TAAR1: variants seen among roughly 807,000 people sequenced by gnomAD.
TAAR1 encodes trace amine-associated receptor 1.
Under a neutral mutation model 1.2 loss-of-function variants are expected in TAAR1, and 1 was observed. The ratio of observed to expected loss-of-function variants is 0.81; its 90% CI spans 0.29 to 3.86. The LOEUF is 3.86. Among genes scored for constraint, TAAR1 ranks in the 30% most tolerant of loss-of-function variants. TAAR1 has a pLI of 0.18. For missense variants in TAAR1, 445 were observed against 405.6 expected (o/e 1.10, Z -0.83); for synonymous variants, 153 against 132.2 (o/e 1.16, Z -1.08).
Position 132,644,850 on chromosome 6 carries a change from T to C in TAAR1, c.*134A>G. On this transcript the variant is annotated 3_prime_UTR_variant, in exon 2 of 2. Transcript: ENST00000275216. ...GAAATTACCTATAAGCATCATAATT[T>C]AACTCACCATACATACTTTGACTCA... The C allele has an allele frequency of 1.5e-6, 1 of 684,182 alleles. No homozygotes were observed. The allele number at this position is 684,182 out of a possible 1,614,324, so 42.4% of individuals were successfully genotyped here.
chr6:132,658,613 G>T (rs1322952710), intron 1 of TAAR1, among the ~76,000 whole-genome samples: 6 of 151,848 alleles, frequency 4.0e-5, no homozygotes, highest in Non-Finnish European at 8.8e-5. Context: ...AAATATATTT[G>T]CACAAATAAT....
At position 132,644,113 on chromosome 6, in the gene TAAR1, T is replaced by G. The variant is rs1225515680; in HGVS notation, c.*871A>C. On this transcript the variant is annotated 3_prime_UTR_variant, in exon 2 of 2. Coordinates refer to ENST00000275216, the MANE Select transcript of TAAR1 (RefSeq NM_138327.4). ...TTAATTTATATTATTTTTAGAAAAG[T>G]TAGAAACAACTGGAATTAACAATAG... Among the ~76,000 whole-genome samples the G allele has an allele frequency of 6.6e-6, 1 of 151,904 alleles. No homozygotes were observed. The highest frequency in any genetic ancestry group is 6.6e-5 in the Admixed American group (1 of 15,202).
intron 1 of TAAR1, among the ~76,000 whole-genome samples, chr6:132,647,397 T>C (rs1777686766): frequency 7.3e-6 from 1 of 137,476 alleles, no homozygotes; most frequent in African/African-American, 2.8e-5. Context: ...CACACACATA[T>C]ATAACACATA....
rs1777639399 is a variant in TAAR1, at chr6:132,644,695, G to A, written c.*289C>T. The stretch of plus-strand genomic sequence containing the variant: ...CTGAACAGCTGACTAAGGTACCACA[G>A]TAAACTCATGGCAGTTCTTCTAAGG... On this transcript the variant is annotated 3_prime_UTR_variant, in exon 2 of 2. Coordinates refer to ENST00000275216, the MANE Select transcript of TAAR1 (RefSeq NM_138327.4). Among the ~76,000 whole-genome samples the A allele has an allele frequency of 6.6e-6, 1 of 152,002 alleles. No homozygotes were observed. Among genetic ancestry groups the A allele is most frequent in the Non-Finnish European group, 1.5e-5 (1 of 67,962 alleles).
At chr6:132,659,006 A>C (rs1233524234) in intron 1 of TAAR1, among the ~76,000 whole-genome samples, 124 bp downstream of exon 1, 1 of 152,208 alleles carries the variant, frequency 6.6e-6, no homozygotes, top group Non-Finnish European at 1.5e-5. Flanking sequence ...ATTTTAACAG[A>C]TGGATAAGTA....
rs8192618 is a variant in TAAR1, at chr6:132,645,937, G to A, written c.67C>T (p.Arg23Cys). The change falls in exon 2 of 2, where the codon CGT becomes TGT. Residue 23 changes from arginine to cysteine, a missense_variant. Transcript: ENST00000275216. ...ACCATTAAACTGTACAGGGAAGCAC[G>A]GACATCATTTGACCAGTTGTTTTTC... ...CVKNNWSNDV[R>C]ASLYSLMVLI... 9.2e-4 allele frequency: 1,477 copies of A among 1,612,494 alleles called. 6 individuals are homozygous for A. The African/African-American group carries it at 0.013, about 14-fold the overall frequency.
Position 132,644,745 on chromosome 6 carries a change from G to A in TAAR1, c.*239C>T, listed in dbSNP as rs1777639686. The stretch of plus-strand genomic sequence containing the variant: ...GGCAGGAAAAGTTATATAAAATGTA[G>A]GCCTTTAAATACTGGATTTGCAAAG... On this transcript the variant is annotated 3_prime_UTR_variant, in exon 2 of 2. Coordinates refer to ENST00000275216, the MANE Select transcript of TAAR1 (RefSeq NM_138327.4). Among the ~76,000 whole-genome samples the A allele has an allele frequency of 6.6e-6, 1 of 151,932 alleles. No homozygotes were observed. The highest frequency in any genetic ancestry group is 6.6e-5 in the Admixed American group (1 of 15,228).
chr6:132,656,677 G>C (rs1429255327), intron 1 of TAAR1, among the ~76,000 whole-genome samples: 1 of 152,066 alleles, frequency 6.6e-6, no homozygotes, highest in Non-Finnish European at 1.5e-5. Flanking sequence ...GAGTATCAAG[G>C]AAAAAGATTG....
intron 1 of TAAR1, among the ~76,000 whole-genome samples, chr6:132,647,557 AAAGG>A (rs141102164): frequency 0.18 from 25,299 of 143,930 alleles, 4,699 homozygotes; most frequent in African/African-American, 0.44. Flanking sequence ...AAGAAAAAAG[AAAGG>A]AAGGAAGGAA....
chr6:132,650,971 C>T lies in TAAR1; in HGVS notation c.-126-4842G>A, dbSNP rs574385343. Among the ~76,000 whole-genome samples the T allele has an allele frequency of 5.3e-5, 8 of 152,036 alleles. No individual in the cohort carries two copies. The South Asian group carries it at 1.7e-3, about 32-fold the overall frequency. On this transcript the variant is annotated intron_variant, in intron 1 of 1. Transcript: ENST00000275216. ...CATTTATACTCCCTGTCTCTAATTC[C>T]TCTAATCCTATCTCTTAAAATTCAC...
At position 132,658,030 on chromosome 6, in the gene TAAR1, C is replaced by T. The variant is rs765250465; in HGVS notation, c.-127+1100G>A. The stretch of plus-strand genomic sequence containing the variant: ...TTTATTTATCTATTTTACCTTTGTA[C>T]TAAAATTATACTTTTACTAAATTAC... On this transcript the variant is annotated intron_variant, in intron 1 of 1. Transcript: ENST00000275216. 5.0e-4 allele frequency among the ~76,000 whole-genome samples: 76 copies of T among 151,844 alleles called. 2 individuals carry two copies. Among genetic ancestry groups the T allele is most frequent in the Non-Finnish European group, 3.8e-4 (26 of 67,922 alleles).
At chr6:132,652,571 C>T (rs1042480361) in intron 1 of TAAR1, among the ~76,000 whole-genome samples, 5 of 149,786 alleles carry the variant, frequency 3.3e-5, no homozygotes, top group African/African-American at 9.9e-5. Context: ...TCCCAAAGTG[C>T]TGGGATTACA....
rs770991307 is a variant in TAAR1 at position 132,645,678 on chromosome 6, G to A, written c.326C>T (p.Ala109Val). The change falls in exon 2 of 2, where the codon GCC (alanine) becomes GTC (valine). Residue 109 changes from alanine to valine, a missense_variant. Coordinates refer to ENST00000275216, the MANE Select transcript of TAAR1 (RefSeq NM_138327.4). ...HTSTDIMLSS[A>V]SIFHLSFISI... Reference sequence around the variant, plus strand: ...GATGAAAGACAAATGGAAAATGGAGGCTGAGCTCAGCATAATGTCGGTGCT... The same window carrying A: ...GATGAAAGACAAATGGAAAATGGAGACTGAGCTCAGCATAATGTCGGTGCT... The A allele has an allele frequency of 6.2e-7, 1 of 1,613,540 alleles. No individual in the cohort carries two copies. Among genetic ancestry groups the A allele is most frequent in the South Asian group, 1.1e-5 (1 of 91,060 alleles).
At position 132,645,887 on chromosome 6, in the gene TAAR1, A is replaced by G. The variant is rs747230255; in HGVS notation, c.117T>C (p.Val39=). 8.1e-6 allele frequency: 13 copies of G among 1,613,752 alleles called. No homozygotes were observed. Among genetic ancestry groups the G allele is most frequent in the Middle Eastern group, 3.3e-4 (2 of 6,082 alleles). ...LMVLIILTTL[V]GNLIVIVSIS... is the part of the protein sequence containing the mutation. ...TAGAAACAATAACTATCAGATTGCC[A>G]ACGAGTGTGGTCAGAATTATGAGCA... is the stretch of plus-strand genomic sequence containing the variant. The change falls in exon 2 of 2, where the codon GTT becomes GTC. Residue 39 remains valine (V), a synonymous_variant. Coordinates refer to ENST00000275216, the MANE Select transcript of TAAR1 (RefSeq NM_138327.4).
Position 132,645,019 on chromosome 6 carries a change from A to G in TAAR1, c.985T>C (p.Ser329Pro). The change falls in exon 2 of 2, where the codon TCC (serine) becomes CCC (proline). Residue 329 changes from serine to proline, a missense_variant. Transcript: ENST00000275216. ...AATTCCAAAAATAATTTACACCTGGATGAATCTTTTTGGAAAATTTTACCA... is the reference window on the plus strand; with the variant it reads ...AATTCCAAAAATAATTTACACCTGGGTGAATCTTTTTGGAAAATTTTACCA... ...LFGKIFQKDSSRCKLFLELSS is the reference protein window; with the variant it reads ...LFGKIFQKDSPRCKLFLELSS 1 of 1,582,162 alleles carries G rather than the reference A, an allele frequency of 6.3e-7. No individual in the cohort carries two copies. Among genetic ancestry groups the G allele is most frequent in the Non-Finnish European group, 8.5e-7 (1 of 1,170,876 alleles).
At chr6:132,647,628 G>GAAAAAGA in intron 1 of TAAR1, among the ~76,000 whole-genome samples, 1 of 52,478 alleles carries the variant, frequency 1.9e-5, no homozygotes, top group East Asian at 3.3e-4. Context: ...AAAAAGGAAA[G>GAAAAAGA]AAAGAAAGAA....
rs774807309 is a variant in TAAR1, at chr6:132,645,240, A to G, written c.764T>C (p.Ile255Thr). 1.9e-6 allele frequency: 3 copies of G among 1,613,736 alleles called. No homozygotes were observed. The highest frequency in any genetic ancestry group is 2.5e-6 in the Non-Finnish European group (3 of 1,179,776). The change falls in exon 2 of 2, where the codon ATT becomes ACT. Residue 255 changes from isoleucine to threonine, a missense_variant. By Grantham distance (89) the Ile-to-Thr change is moderately conservative. Coordinates refer to ENST00000275216, the MANE Select transcript of TAAR1 (RefSeq NM_138327.4). ...GCATATTAGGAAAACTCCCATCACA[A>G]TCCCCAATGTCTTCACAGCTTTCCT... ...KERKAVKTLGIVMGVFLICWC... is the reference protein window; with the variant it reads ...KERKAVKTLGTVMGVFLICWC...
chr6:132,645,330 C>T lies in TAAR1; in HGVS notation c.674G>A (p.Ser225Asn), dbSNP rs2114270502. Residue 225 changes from serine to asparagine, a missense_variant, in exon 2 of 2, where the codon AGT becomes AAT. By Grantham distance (46) the Ser-to-Asn change is conservative. Coordinates refer to ENST00000275216, the MANE Select transcript of TAAR1 (RefSeq NM_138327.4). ...LIAKEQARLI[S>N]DANQKLQIGL... is the part of the protein sequence containing the mutation. ...AATTTGGAGCTTCTGATTGGCATCA[C>T]TAATTAATCTTGCCTGTTCTTTAGC... is the stretch of plus-strand genomic sequence containing the variant. 3.1e-6 allele frequency: 5 copies of T among 1,613,472 alleles called. No homozygotes were observed. The highest frequency in any genetic ancestry group is 4.2e-6 in the Non-Finnish European group (5 of 1,179,730).
intron 1 of TAAR1, among the ~76,000 whole-genome samples, chr6:132,650,260 C>T (rs895995504): frequency 3.3e-5 from 5 of 152,178 alleles, no homozygotes; most frequent in African/African-American, 1.2e-4. Flanking sequence ...TTTCCACTGT[C>T]CTTCATTTAC....
Sources: allele counts gnomAD v4.1 joint callset (sites outside exome capture counted in the v4.1 genomes callset), GRCh38; gene constraint gnomAD v4.1.1; transcripts MANE v1.5; gene names NCBI Gene and HGNC (gene_info 2026-07-23, HGNC 2026-07-21).